Variants in UBE2E2 observed in about 807,000 individuals in gnomAD.
UBE2E2 encodes the protein ubiquitin-conjugating enzyme E2 E2.
In UBE2E2, 6 loss-of-function variants were observed where a neutral mutation model predicts 24.7. That is an observed-to-expected ratio of 0.24 (90% CI 0.13 to 0.48). The LOEUF (loss-of-function observed/expected upper bound fraction) is 0.48, where lower values mean the gene tolerates loss of function less well. Among genes scored for constraint, UBE2E2 ranks in the 20% least tolerant of loss-of-function variants. The pLI is 0.99. For synonymous variants in UBE2E2, 104 were observed against 83.6 expected, an observed-to-expected ratio of 1.24 and a Z score of -1.33; for missense variants, 169 against 245.0, an observed-to-expected ratio of 0.69 and a Z score of 2.07.
intron 3 of UBE2E2, among the ~76,000 whole-genome samples, chr3:23,244,510 A>T (rs4858484): frequency 6.6e-6 from 1 of 152,052 alleles, no homozygotes; most frequent in Non-Finnish European, 1.5e-5. Flanking sequence ...GTACAGCAAC[A>T]TAATTAACTA....
chr3:23,536,780 T>C (rs889729381), intron 5 of UBE2E2, among the ~76,000 whole-genome samples: 4 of 152,236 alleles, frequency 2.6e-5, no homozygotes, highest in African/African-American at 9.6e-5. Flanking sequence ...CTGTTGAATC[T>C]GAGTGATGAG....
At chr3:23,478,028 A>G (rs1462523467) in intron 3 of UBE2E2, among the ~76,000 whole-genome samples, 1 of 152,348 alleles carries the variant, frequency 6.6e-6, no homozygotes, top group East Asian at 1.9e-4. Flanking sequence ...CTGTGAGTCA[A>G]TTAAACCTCT....
intron 3 of UBE2E2, among the ~76,000 whole-genome samples, chr3:23,269,833 G>C (rs1022081688): frequency 1.6e-4 from 24 of 152,164 alleles, no homozygotes; most frequent in African/African-American, 5.8e-4. Flanking sequence ...TTAATATGGT[G>C]AGATGCCCAG....
chr3:23,300,903 C>T (rs1431038699), intron 3 of UBE2E2, among the ~76,000 whole-genome samples: 3 of 152,298 alleles, frequency 2.0e-5, no homozygotes, highest in African/African-American at 4.8e-5. Flanking sequence ...CCATTCTCCC[C>T]GTCACTTTCA....
chr3:23,587,503 C>A (rs924093367), intron 5 of UBE2E2, among the ~76,000 whole-genome samples: 1 of 152,150 alleles, frequency 6.6e-6, no homozygotes, highest in East Asian at 1.9e-4. Flanking sequence ...AATATAAGTT[C>A]TATTTAATTA....
At chr3:23,545,233 G>A (rs949695847) in intron 5 of UBE2E2, among the ~76,000 whole-genome samples, 27 of 152,058 alleles carry the variant, frequency 1.8e-4, no homozygotes, top group African/African-American at 6.0e-4. Context: ...GCTGGGGGAG[G>A]GTCAGGTCTT....
chr3:23,429,410 A>G (rs946176262), intron 3 of UBE2E2, among the ~76,000 whole-genome samples: 3 of 152,208 alleles, frequency 2.0e-5, no homozygotes, highest in African/African-American at 4.8e-5. Flanking sequence ...ATGGATTCCA[A>G]CAGTGTGTAG....
chr3:23,392,309 G>A (rs959642870), intron 3 of UBE2E2, among the ~76,000 whole-genome samples: 1 of 152,154 alleles, frequency 6.6e-6, no homozygotes, highest in Admixed American at 6.6e-5. Flanking sequence ...ATGAGACTGT[G>A]TAAACTGTAT....
intron 3 of UBE2E2, among the ~76,000 whole-genome samples, chr3:23,438,509 C>T (rs760713703): frequency 1.2e-4 from 19 of 152,168 alleles, no homozygotes; most frequent in Non-Finnish European, 1.6e-4. Context: ...CAGATGTTCT[C>T]AAGTTATATA....
intron 4 of UBE2E2, among the ~76,000 whole-genome samples, chr3:23,505,126 G>A (rs1346976171): frequency 1.4e-5 from 2 of 142,958 alleles, no homozygotes. Flanking sequence ...TTGCCATGTT[G>A]CTCAGGCTGG....
chr3:23,347,488 G>C (rs539655225), intron 3 of UBE2E2, among the ~76,000 whole-genome samples: 1 of 152,080 alleles, frequency 6.6e-6, no homozygotes, highest in Non-Finnish European at 1.5e-5. Flanking sequence ...TCACTTATAA[G>C]TGGGAGTTGA....
At chr3:23,310,249 C>T (rs1216349970) in intron 3 of UBE2E2, among the ~76,000 whole-genome samples, 1 of 149,796 alleles carries the variant, frequency 6.7e-6, no homozygotes, top group African/African-American at 2.5e-5. Context: ...CAATTAAGTA[C>T]CAAAATGCAA....
chr3:23,547,775 A>G (rs1396354423), intron 5 of UBE2E2, among the ~76,000 whole-genome samples: 2 of 152,202 alleles, frequency 1.3e-5, no homozygotes, highest in African/African-American at 4.8e-5. Flanking sequence ...AGAGATCCCC[A>G]TGTGGCTGTC....
At chr3:23,364,318 A>G (rs1696201241) in intron 3 of UBE2E2, among the ~76,000 whole-genome samples, 1 of 152,120 alleles carries the variant, frequency 6.6e-6, no homozygotes, top group Non-Finnish European at 1.5e-5. Context: ...AACCATACAA[A>G]AGATCAACAA....
intron 3 of UBE2E2, among the ~76,000 whole-genome samples, chr3:23,293,117 G>A (rs571124015): frequency 5.3e-5 from 8 of 152,216 alleles, no homozygotes; most frequent in Non-Finnish European, 1.2e-4. Context: ...GGTGGTGGTT[G>A]TGATTATTAA....
At chr3:23,399,524 G>GA (rs1293633013) in intron 3 of UBE2E2, among the ~76,000 whole-genome samples, 2 of 152,014 alleles carry the variant, frequency 1.3e-5, no homozygotes, top group African/African-American at 2.4e-5. Context: ...AAGTAATTGT[G>GA]GTTTTGCCAT....
chr3:23,547,286 A>G (rs1695546863), intron 5 of UBE2E2, among the ~76,000 whole-genome samples: 1 of 152,188 alleles, frequency 6.6e-6, no homozygotes, highest in Admixed American at 6.5e-5. Flanking sequence ...ACTAACAGAA[A>G]GGTTTCAGGT....
chr3:23,530,592 T>A (rs77689491), intron 4 of UBE2E2, among the ~76,000 whole-genome samples: 4,406 of 152,328 alleles, frequency 0.029, 109 homozygotes, highest in East Asian at 0.13. Context: ...GTATCTAGGA[T>A]TTAGAATTCT....
chr3:23,458,426 G>GGTGGTGGTGGTGGTGGTTGTT (rs1424119249), intron 3 of UBE2E2, among the ~76,000 whole-genome samples: 75 of 148,080 alleles, frequency 5.1e-4, no homozygotes, highest in African/African-American at 1.9e-3. Context: ...TGGTGGTGGT[G>GGTGGTGGTGGTGGTGGTTGTT]GTTGTTGTTG....
Sources: allele counts gnomAD v4.1 joint callset (sites outside exome capture counted in the v4.1 genomes callset), GRCh38; gene constraint gnomAD v4.1.1; transcripts MANE v1.5; gene names NCBI Gene and HGNC (gene_info 2026-07-23, HGNC 2026-07-21).